Variants in TBC1D14 observed in about 807,000 individuals in gnomAD.
TBC1D14 encodes TBC1 domain family member 14, also known as TBC1 domain family, member 14.
In TBC1D14, 26 loss-of-function variants were observed where a neutral mutation model predicts 79.0. The ratio of observed to expected loss-of-function variants is 0.33; its 90% CI spans 0.24 to 0.46. The LOEUF (loss-of-function observed/expected upper bound fraction) is 0.46. Ranked by LOEUF, TBC1D14 falls within the 20% of genes least tolerant of loss-of-function variation. TBC1D14 has a pLI of 1.00. For synonymous variants in TBC1D14, 394 were observed against 349.9 expected (o/e 1.13, Z -1.40); for missense variants, 769 against 887.6 (o/e 0.87, Z 1.70).
intron 3 of TBC1D14, among the ~76,000 whole-genome samples, chr4:6,992,541 A>G (rs116653791): frequency 0.011 from 1,678 of 152,364 alleles, 23 homozygotes; most frequent in South Asian, 0.046. Context: ...ACATCCTGCC[A>G]TGGCTGATTT....
intron 3 of TBC1D14, among the ~76,000 whole-genome samples, chr4:6,986,911 TCACCCCGC>T (rs1717883056): frequency 6.6e-6 from 1 of 152,250 alleles, no homozygotes; most frequent in Non-Finnish European, 1.5e-5. Flanking sequence ...CTGCTCACAA[TCACCCCGC>T]CACCCAGAGC....
intron 5 of TBC1D14, chr4:6,997,353 A>C (rs2109175809): frequency 6.6e-6 from 1 of 152,394 alleles, no homozygotes; most frequent in East Asian, 1.9e-4. Flanking sequence ...AAGGCCAGGC[A>C]TGGTGGCTCA....
At chr4:7,005,062 T>G (rs1292221214) in intron 8 of TBC1D14, 138 bp downstream of exon 8, 5 of 851,140 alleles carry the variant, frequency 5.9e-6, no homozygotes, top group Admixed American at 3.0e-5. Flanking sequence ...AAAAGGGTTT[T>G]TTTTGTTTTG....
Position 7,012,200 on chromosome 4 carries a change from A to C in TBC1D14, c.1647+1419A>C, listed in dbSNP as rs529853850. Among the ~76,000 whole-genome samples, 7 of 151,690 alleles carry C rather than the reference A, an allele frequency of 4.6e-5. No homozygotes were observed. In the South Asian group the frequency reaches 1.5e-3, roughly 32 times the overall value. On this transcript the variant is annotated intron_variant, in intron 11 of 13. Transcript: ENST00000409757. ...GCCTGTAGTCCCAGCTAGTCGGGAG[A>C]CTGAGGCAGGAGAATGGCGTGAACC...
At chr4:6,932,499 C>T (rs1412192341) in intron 2 of TBC1D14, among the ~76,000 whole-genome samples, 1 of 151,954 alleles carries the variant, frequency 6.6e-6, no homozygotes, top group Non-Finnish European at 1.5e-5. Flanking sequence ...GCACAGATGC[C>T]CTGGGGATGG....
At chr4:6,945,714 G>A (rs533439146) in intron 2 of TBC1D14, among the ~76,000 whole-genome samples, 153 of 138,122 alleles carry the variant, frequency 1.1e-3, no homozygotes, top group African/African-American at 3.5e-3. Flanking sequence ...GCGCCATTGC[G>A]CTCCAGCCTG....
intron 2 of TBC1D14, among the ~76,000 whole-genome samples, chr4:6,939,325 C>A (rs984129958): frequency 2.0e-5 from 3 of 151,456 alleles, no homozygotes; most frequent in African/African-American, 7.3e-5. Flanking sequence ...CCACAGGAGC[C>A]CCCCCCAGGA....
chr4:6,961,649 T>G (rs975450102), intron 2 of TBC1D14, among the ~76,000 whole-genome samples: 1 of 152,122 alleles, frequency 6.6e-6, no homozygotes, highest in African/African-American at 2.4e-5. Flanking sequence ...CAGGTGCAAG[T>G]CCTTGGCAGG....
chr4:6,945,037 G>A (rs755707299), intron 2 of TBC1D14, among the ~76,000 whole-genome samples: 48 of 152,168 alleles, frequency 3.2e-4, no homozygotes, highest in Non-Finnish European at 6.6e-4. Flanking sequence ...CTAGCAGAAC[G>A]TGACTTGGTT....
intron 7 of TBC1D14, among the ~76,000 whole-genome samples, chr4:7,003,777 G>A (rs1227887600): frequency 1.5e-4 from 23 of 152,002 alleles, no homozygotes; most frequent in African/African-American, 5.3e-4. Flanking sequence ...TGGCAGGGGG[G>A]AATCACCTGA....
At chr4:6,942,049 G>A (rs6831590) in intron 2 of TBC1D14, among the ~76,000 whole-genome samples, 1 of 152,018 alleles carries the variant, frequency 6.6e-6, no homozygotes, top group African/African-American at 2.4e-5. Flanking sequence ...TCAGCCACTT[G>A]CTACTCATAA....
intron 2 of TBC1D14, among the ~76,000 whole-genome samples, chr4:6,952,146 CCTTT>C (rs1560275540): frequency 6.6e-6 from 1 of 152,178 alleles, no homozygotes. Flanking sequence ...GCAGGAATCA[CCTTT>C]CTAAGTGCAT....
intron 6 of TBC1D14, among the ~76,000 whole-genome samples, chr4:7,000,271 A>G (rs1263421727): frequency 6.6e-6 from 1 of 151,866 alleles, no homozygotes; most frequent in East Asian, 1.9e-4. Context: ...GTCTGAATGC[A>G]TTGCATGCAG....
intron 12 of TBC1D14, among the ~76,000 whole-genome samples, chr4:7,021,668 TTTTTA>T (rs1721850371): frequency 6.6e-6 from 1 of 152,234 alleles, no homozygotes; most frequent in Non-Finnish European, 1.5e-5. Flanking sequence ...CTTTTTTTTT[TTTTTA>T]CTTTTAAAAA....
intron 2 of TBC1D14, among the ~76,000 whole-genome samples, chr4:6,962,895 G>GCACA (rs147704789): frequency 2.6e-5 from 4 of 151,286 alleles, no homozygotes; most frequent in Admixed American, 1.3e-4. Flanking sequence ...TGCCTCCCCT[G>GCACA]CACACACACA....
Position 7,010,708 on chromosome 4 carries a change from A to G in TBC1D14, c.1574A>G (p.Asp525Gly), listed in dbSNP as rs746777804. 18 of 1,613,932 alleles carry G rather than the reference A, an allele frequency of 1.1e-5. No individual in the cohort carries two copies. Among genetic ancestry groups the G allele is most frequent in the Non-Finnish European group, 1.4e-5 (17 of 1,179,932 alleles). ...TTGATCTTGAACTTAGATACTGCAGATGCCTTTATTGCCTTTTCTAACCTT... is the reference window on the plus strand; with the variant it reads ...TTGATCTTGAACTTAGATACTGCAGGTGCCTTTATTGCCTTTTCTAACCTT... ...AVLILNLDTADAFIAFSNLLN... is the reference protein window; with the variant it reads ...AVLILNLDTAGAFIAFSNLLN... Residue 525 changes from aspartate to glycine, a missense_variant, in exon 11 of 14, where the codon GAT becomes GGT. Asp to Gly is a moderately conservative substitution (Grantham distance 94). This residue lies in a region of TBC1D14 where 367 missense variants were observed against 494.4 expected (regional missense o/e 0.74). Coordinates refer to ENST00000409757, the MANE Select transcript of TBC1D14 (RefSeq NM_020773.3).
chr4:7,029,766 A>G (rs1217343037), intron 13 of TBC1D14, among the ~76,000 whole-genome samples: 1 of 152,206 alleles, frequency 6.6e-6, no homozygotes, highest in African/African-American at 2.4e-5. Flanking sequence ...CAGAGATTAC[A>G]GTGAGCCGAG....
At position 6,980,936 on chromosome 4, in the gene TBC1D14, C is replaced by T. The variant is rs368235361; in HGVS notation, c.844-13248C>T. On this transcript the variant is annotated intron_variant, in intron 3 of 13. Coordinates refer to ENST00000409757, the MANE Select transcript of TBC1D14 (RefSeq NM_020773.3). ...TTCACCGTGTTAGCCAGGATGGTCT[C>T]GATCTCCTGAACTTGTGATCCACCC... 2.5e-3 allele frequency among the ~76,000 whole-genome samples: 385 copies of T among 151,130 alleles called. 2 individuals carry two copies. The highest frequency in any genetic ancestry group is 0.023 in the South Asian group (109 of 4,774).
chr4:6,963,927 A>G (rs1715470785), intron 2 of TBC1D14, among the ~76,000 whole-genome samples: 1 of 151,974 alleles, frequency 6.6e-6, no homozygotes, highest in Non-Finnish European at 1.5e-5. Flanking sequence ...CCTCCTGAGT[A>G]GCTGGGATTA....
Sources: allele counts gnomAD v4.1 joint callset (sites outside exome capture counted in the v4.1 genomes callset), GRCh38; gene constraint gnomAD v4.1.1; regional missense constraint gnomAD v4.1.1; transcripts MANE v1.5; gene names NCBI Gene and HGNC (gene_info 2026-07-23, HGNC 2026-07-21).